The following CSMD3 variants were observed in gnomAD, a reference collection of about 807,000 sequenced individuals.
CSMD3 encodes the protein CUB and sushi domain-containing protein 3.
CSMD3 carries 177 observed loss-of-function variants against 435.2 expected under a neutral mutation model. That is an observed-to-expected ratio of 0.41 (90% CI 0.36 to 0.46). CSMD3 has a LOEUF of 0.46. Ranked by LOEUF, CSMD3 falls within the 20% of genes least tolerant of loss-of-function variation. The probability of loss-of-function intolerance (pLI) is 0.34; values close to 1 mark genes in which losing one functional copy is unlikely to be tolerated. For missense variants in CSMD3, 4,265 were observed against 4,504.6 expected, an observed-to-expected ratio of 0.95 and a Z score of 1.52; for synonymous variants, 1,656 against 1,520.5, an observed-to-expected ratio of 1.09 and a Z score of -2.07.
Position 112,335,403 on chromosome 8 carries a change from C to CTG in CSMD3, c.7089_7090dup (p.Ser2364ThrfsTer8). 1 of 1,613,876 alleles carries CTG rather than the reference C, an allele frequency of 6.2e-7. No homozygotes were observed. The highest frequency in any genetic ancestry group is 8.5e-7 in the Non-Finnish European group (1 of 1,179,840). On this transcript the variant is annotated frameshift_variant, in exon 45 of 71. Transcript: ENST00000297405. LOFTEE classifies it high-confidence loss of function. ...TTTGATTAGAATCTGATTTGAAGTA[C>CTG]TGTAGACTGATTCCAAAGCGGTATT... is the stretch of plus-strand genomic sequence containing the variant.
intron 5 of CSMD3, among the ~76,000 whole-genome samples, chr8:113,065,444 T>C (rs1331625010): frequency 6.6e-6 from 1 of 152,118 alleles, no homozygotes; most frequent in Non-Finnish European, 1.5e-5. Context: ...TGGAGTGCAG[T>C]GGCGCGATCT....
intron 31 of CSMD3, among the ~76,000 whole-genome samples, chr8:112,491,472 T>A (rs1019763597): frequency 6.6e-6 from 1 of 151,742 alleles, no homozygotes; most frequent in Non-Finnish European, 1.5e-5. Context: ...CTGAGCAACA[T>A]TGCAAAAACT....
At chr8:112,439,314 G>A (rs1388020642) in intron 32 of CSMD3, among the ~76,000 whole-genome samples, 2 of 151,878 alleles carry the variant, frequency 1.3e-5, no homozygotes, top group Non-Finnish European at 2.9e-5. Flanking sequence ...CTAATTTTTT[G>A]TATTTTTGTA....
At chr8:113,160,884 T>C (rs1677840406) in intron 4 of CSMD3, among the ~76,000 whole-genome samples, 1 of 152,016 alleles carries the variant, frequency 6.6e-6, no homozygotes, top group Non-Finnish European at 1.5e-5. Context: ...TGAAATATGA[T>C]CCAGGAATCA....
chr8:113,129,409 G>T (rs2091227154), intron 4 of CSMD3, among the ~76,000 whole-genome samples: 2 of 152,050 alleles, frequency 1.3e-5, no homozygotes, highest in African/African-American at 4.8e-5. Flanking sequence ...GCCAGCCAAA[G>T]AATTTAAGGC....
At chr8:112,543,453 C>T (rs953349753) in intron 27 of CSMD3, among the ~76,000 whole-genome samples, 1 of 151,942 alleles carries the variant, frequency 6.6e-6, no homozygotes. Context: ...ATAAAAAAGG[C>T]ATACAAATGG....
At chr8:112,865,297 T>G (rs1418220149) in intron 10 of CSMD3, among the ~76,000 whole-genome samples, 1 of 152,122 alleles carries the variant, frequency 6.6e-6, no homozygotes, top group Non-Finnish European at 1.5e-5. Flanking sequence ...AAGGACATGA[T>G]TCACAGGTTA....
At chr8:113,301,487 T>C (rs67027551) in intron 2 of CSMD3, among the ~76,000 whole-genome samples, 21,632 of 151,900 alleles carry the variant, frequency 0.14, 1,743 homozygotes, top group Middle Eastern at 0.21. Flanking sequence ...TTAGAAAACA[T>C]AACCTTAAAA....
intron 32 of CSMD3, among the ~76,000 whole-genome samples, chr8:112,452,687 T>C (rs1023134007): frequency 5.9e-5 from 9 of 152,200 alleles, no homozygotes; most frequent in Non-Finnish European, 1.3e-4. Flanking sequence ...CAATGGATTA[T>C]TTGATTACAT....
In CSMD3 at chr8:113,302,310, T is replaced by C. The variant is rs938484216; in HGVS notation, c.401+12261A>G. On this transcript the variant is annotated intron_variant, in intron 2 of 70. Transcript: ENST00000297405. ...ATATAATATAATATAATATATATATTATATATATAATAATATAATATAATA... is the reference window on the plus strand; with the variant it reads ...ATATAATATAATATAATATATATATCATATATATAATAATATAATATAATA... 1.3e-3 allele frequency among the ~76,000 whole-genome samples: 175 copies of C among 139,572 alleles called. 1 individual carries two copies. The highest frequency in any genetic ancestry group is 2.3e-3 in the Non-Finnish European group (149 of 66,152). 91.6% of individuals were successfully genotyped at this position (139,572 alleles called of 152,430 possible).
chr8:112,382,994 A>C (rs995714051), intron 37 of CSMD3, among the ~76,000 whole-genome samples: 1 of 152,214 alleles, frequency 6.6e-6, no homozygotes, highest in African/African-American at 2.4e-5. Context: ...ACATCTCAAA[A>C]AATAAAAACC....
chr8:113,032,432 T>C (rs186539241), intron 5 of CSMD3, among the ~76,000 whole-genome samples: 176 of 151,658 alleles, frequency 1.2e-3, no homozygotes, highest in African/African-American at 4.0e-3. Context: ...AAGACTCTGG[T>C]GGTATTTTGC....
At chr8:112,225,034 A>C (rs746422213) in intron 70 of CSMD3, 104 bp from the exon 71 acceptor site, 5 of 1,126,124 alleles carry the variant, frequency 4.4e-6, no homozygotes, top group Non-Finnish European at 6.8e-6. Flanking sequence ...GTAACTTAAA[A>C]ATATTAATTG....
chr8:112,321,677 G>A (rs965212357), intron 45 of CSMD3, among the ~76,000 whole-genome samples: 4 of 152,100 alleles, frequency 2.6e-5, no homozygotes, highest in East Asian at 1.9e-4. Context: ...CAAAAAAATC[G>A]TGTTTTAATT....
At chr8:113,005,803 G>A (rs1377146255) in intron 6 of CSMD3, among the ~76,000 whole-genome samples, 3 of 151,822 alleles carry the variant, frequency 2.0e-5, no homozygotes, top group South Asian at 4.2e-4. Flanking sequence ...GAAGTGTGTA[G>A]GCTTTTTATC....
intron 27 of CSMD3, among the ~76,000 whole-genome samples, chr8:112,533,686 C>T (rs1825763298): frequency 6.6e-6 from 1 of 152,062 alleles, no homozygotes; most frequent in African/African-American, 2.4e-5. Context: ...GACTTCAACA[C>T]TCCACAATCA....
intron 13 of CSMD3, among the ~76,000 whole-genome samples, chr8:112,766,573 T>C (rs1031200786): frequency 1.3e-5 from 2 of 151,838 alleles, no homozygotes; most frequent in African/African-American, 4.8e-5. Flanking sequence ...AGGGCTATGC[T>C]GTCAATTTTT....
chr8:112,524,193 AT>A (rs1824612777), intron 27 of CSMD3, among the ~76,000 whole-genome samples: 1 of 151,994 alleles, frequency 6.6e-6, no homozygotes, highest in Non-Finnish European at 1.5e-5. Context: ...CAATGATATA[AT>A]TTTTGTGGAA....
chr8:113,378,080 A>G (rs896694474), intron 1 of CSMD3, among the ~76,000 whole-genome samples: 5 of 152,154 alleles, frequency 3.3e-5, no homozygotes, highest in Non-Finnish European at 7.4e-5. Flanking sequence ...AAGTTCCATT[A>G]TGAGATTAAT....
Sources: gnomAD v4.1 joint callset for allele counts (sites outside exome capture counted in the v4.1 genomes callset) on GRCh38, gnomAD v4.1.1 for gene constraint, MANE v1.5 for transcripts, NCBI Gene and HGNC (gene_info 2026-07-23, HGNC 2026-07-21) for gene names.